MYH10: variants seen among roughly 807,000 people sequenced by gnomAD.
The protein encoded by MYH10 is myosin-10.
In MYH10, 55 loss-of-function variants were observed where a neutral mutation model predicts 257.8. That is an observed-to-expected ratio of 0.21 (90% CI 0.17 to 0.27). MYH10 has a LOEUF of 0.27. MYH10 is among the 10% of genes least tolerant of loss of function. The probability of loss-of-function intolerance (pLI) is 1.00; values close to 1 mark genes in which losing one functional copy is unlikely to be tolerated. For missense variants in MYH10, 1,631 were observed against 2,500.6 expected (o/e 0.65, Z 7.42); for synonymous variants, 854 against 921.7 (o/e 0.93, Z 1.33).
At chr17:8,520,625 A>G (rs2081622419) in intron 19 of MYH10, among the ~76,000 whole-genome samples, 1 of 152,226 alleles carries the variant, frequency 6.6e-6, no homozygotes, top group Non-Finnish European at 1.5e-5. Flanking sequence ...CCCTGAAAAC[A>G]TGGCATGTTT....
intron 4 of MYH10, among the ~76,000 whole-genome samples, chr17:8,578,227 G>GTTTC (rs1263214511): frequency 5.8e-5 from 8 of 137,384 alleles, no homozygotes; most frequent in African/African-American, 2.2e-4. Flanking sequence ...TTTGTGTTTT[G>GTTTC]TTTCTTTCTT....
intron 35 of MYH10, among the ~76,000 whole-genome samples, chr17:8,489,744 C>CACACACACACACACAA (rs1291962359): frequency 2.2e-4 from 30 of 138,416 alleles, no homozygotes; most frequent in Non-Finnish European, 1.3e-4. Flanking sequence ...CACACACACA[C>CACACACACACACACAA]ACCCCAAATC....
intron 4 of MYH10, among the ~76,000 whole-genome samples, chr17:8,582,562 G>C (rs1320204267): frequency 6.6e-6 from 1 of 152,222 alleles, no homozygotes; most frequent in Non-Finnish European, 1.5e-5. Flanking sequence ...ACAAAGCAAG[G>C]AGGCTTCTAG....
chr17:8,567,615 T>C (rs1180946123), intron 7 of MYH10, among the ~76,000 whole-genome samples: 4 of 152,004 alleles, frequency 2.6e-5, no homozygotes, highest in African/African-American at 9.7e-5. Context: ...TTCAATATAA[T>C]TGGTGTCCTC....
chr17:8,525,437 A>G (rs902157112), intron 17 of MYH10, among the ~76,000 whole-genome samples: 18 of 152,376 alleles, frequency 1.2e-4, no homozygotes, highest in South Asian at 2.1e-4. Flanking sequence ...AGCGGAGACA[A>G]TCTCCCAGCC....
rs762039615 is a variant in MYH10, at chr17:8,480,530, C to T, written c.5265-5G>A. The T allele has an allele frequency of 8.1e-6, 13 of 1,605,284 alleles. No individual in the cohort carries two copies. Among genetic ancestry groups the T allele is most frequent in the Middle Eastern group, 1.7e-4 (1 of 5,952 alleles). The stretch of plus-strand genomic sequence containing the variant: ...TTCTCATCCAGCAGCGCGGACCTGG[C>T]GGGGAGAGGAGGAGGGGACGGTTCA... On this transcript the variant is annotated splice_region_variant and splice_polypyrimidine_tract_variant and intron_variant, in intron 38 of 42. Coordinates refer to ENST00000360416, the MANE Select transcript of MYH10 (RefSeq NM_001256012.3).
At position 8,492,486 on chromosome 17, in the gene MYH10, G is replaced by C; in HGVS notation, c.4482C>G (p.Ile1494Met). The stretch of plus-strand genomic sequence containing the variant: ...CCCGCTCTTCGGCATAGCGAGCAGA[G>C]ATGCTCTTCTCTTCTGCTAACAGCT... ...FDQLLAEEKS[I>M]SARYAEERDR... Residue 1494 changes from isoleucine to methionine, a missense_variant, in exon 34 of 43, where the codon ATC becomes ATG. By Grantham distance (10) the Ile-to-Met change is conservative. This residue lies in a region of MYH10 where 463 missense variants were observed against 621.8 expected (regional missense o/e 0.74). Coordinates refer to ENST00000360416, the MANE Select transcript of MYH10 (RefSeq NM_001256012.3). 6.2e-7 allele frequency: 1 copy of C among 1,612,004 alleles called. No individual in the cohort carries two copies. The highest frequency in any genetic ancestry group is 8.5e-7 in the Non-Finnish European group (1 of 1,179,880).
chr17:8,552,231 A>T lies in MYH10; in HGVS notation c.821-87T>A. On this transcript the variant is annotated intron_variant, in intron 8 of 42. Coordinates refer to ENST00000360416, the MANE Select transcript of MYH10 (RefSeq NM_001256012.3). This position sits in a 1 kb window ranked among gnomAD's most constrained non-coding sequence, Gnocchi z 4.8. Reference sequence around the variant, plus strand: ...CTTTCAGCGTCTGTAAATTTAAATCATAAAACATCTTCTTTCTCTGATTAT... The same window carrying T: ...CTTTCAGCGTCTGTAAATTTAAATCTTAAAACATCTTCTTTCTCTGATTAT... The T allele has an allele frequency of 1.8e-6, 1 of 552,216 alleles. No individual in the cohort carries two copies. The highest frequency in any genetic ancestry group is 3.0e-6 in the Non-Finnish European group (1 of 336,610). 34.2% of individuals were successfully genotyped at this position (552,216 alleles called of 1,614,324 possible).
At chr17:8,626,578 A>AATAAT (rs1284109448) in intron 1 of MYH10, among the ~76,000 whole-genome samples, 5 of 140,190 alleles carry the variant, frequency 3.6e-5, no homozygotes, top group Non-Finnish European at 6.1e-5. Context: ...AAATAATAAT[A>AATAAT]AATAATAATA....
intron 19 of MYH10, 106 bp downstream of exon 19, chr17:8,520,772 A>G (rs2081626176): frequency 4.6e-6 from 6 of 1,290,476 alleles, no homozygotes; most frequent in Non-Finnish European, 6.3e-6. Flanking sequence ...TAAGAAAACA[A>G]ACTATGTAGG....
In MYH10 at chr17:8,604,842, G is replaced by A. The variant is rs756950714; in HGVS notation, c.486C>T (p.Tyr162=). The change falls in exon 3 of 43, where the codon TAC becomes TAT. Residue 162 remains tyrosine, a synonymous_variant. Coordinates refer to ENST00000360416, the MANE Select transcript of MYH10 (RefSeq NM_001256012.3). ...PHIYAISESA[Y]RCMLQDREDQ... is the part of the protein sequence containing the mutation. ...TCCAATTACCTTGAAGCATGCATCT[G>A]TAAGCAGATTCAGATATAGCATAGA... 3 of 1,568,634 alleles carry A rather than the reference G, an allele frequency of 1.9e-6. No homozygotes were observed. Among genetic ancestry groups the A allele is most frequent in the Non-Finnish European group, 1.7e-6 (2 of 1,158,196 alleles).
rs548093229 is a variant in MYH10, at chr17:8,513,795, G to T, written c.2604C>A (p.Val868=). Residue 868 remains valine, a synonymous_variant, in exon 22 of 43, where the codon GTC becomes GTA. Transcript: ENST00000360416. ...AGTGAGCCAAGCTCACCTTTGTGAA[G>T]ACTCGCCACCACTGCCAGTGCCGTA... The part of the protein sequence containing the change: ...LKLRHWQWWR[V]FTKVKPLLQV... 1.5e-5 allele frequency: 25 copies of T among 1,614,024 alleles called. No individual in the cohort carries two copies. The East Asian group carries it at 5.3e-4, about 35-fold the overall frequency.
At chr17:8,573,629 TGAGGAAA>T (rs1206272343) in intron 6 of MYH10, among the ~76,000 whole-genome samples, 1 of 152,220 alleles carries the variant, frequency 6.6e-6, no homozygotes, top group Non-Finnish European at 1.5e-5. Context: ...CAACCTCTCT[TGAGGAAA>T]GAGGGCACAC....
At chr17:8,521,352 A>G in intron 17 of MYH10, 67 bp from the exon 18 acceptor site, 2 of 1,507,462 alleles carry the variant, frequency 1.3e-6, no homozygotes, top group South Asian at 1.1e-5. Flanking sequence ...AAGAAAAGAC[A>G]CAGTGAAAGT....
intron 34 of MYH10, among the ~76,000 whole-genome samples, chr17:8,492,040 G>A (rs1915853331): frequency 6.6e-6 from 1 of 152,232 alleles, no homozygotes; most frequent in South Asian, 2.1e-4. Context: ...AGCAGGGAGG[G>A]CAGTGAAAGG....
At chr17:8,598,425 T>A (rs183686028) in intron 3 of MYH10, among the ~76,000 whole-genome samples, 1 of 152,232 alleles carries the variant, frequency 6.6e-6, no homozygotes, top group Non-Finnish European at 1.5e-5. Flanking sequence ...GGAGAAAATG[T>A]TCTTTGTTCC....
intron 1 of MYH10, among the ~76,000 whole-genome samples, chr17:8,628,640 C>A (rs1201859914): frequency 6.6e-6 from 1 of 152,296 alleles, no homozygotes; most frequent in East Asian, 1.9e-4. Flanking sequence ...CCAATGATCA[C>A]AAACACAAAC....
chr17:8,492,614 T>C, intron 33 of MYH10, 105 bp from the exon 34 acceptor site: 1 of 1,267,376 alleles, frequency 7.9e-7, no homozygotes, highest in Non-Finnish European at 1.1e-6. Context: ...CACTAGATTA[T>C]GGTGTTCTTG....
At chr17:8,534,919 A>G (rs2082098401) in intron 16 of MYH10, among the ~76,000 whole-genome samples, 1 of 152,256 alleles carries the variant, frequency 6.6e-6, no homozygotes, top group Non-Finnish European at 1.5e-5. Context: ...GGACTGATGG[A>G]AAGAAGAGCA....
Sources: allele counts gnomAD v4.1 joint callset (sites outside exome capture counted in the v4.1 genomes callset), GRCh38; gene constraint gnomAD v4.1.1; regional missense constraint gnomAD v4.1.1; non-coding constraint Gnocchi (gnomAD v3.1); transcripts MANE v1.5; gene names NCBI Gene and HGNC (gene_info 2026-07-23, HGNC 2026-07-21).